The following SELENOF variants were observed in gnomAD, a reference collection of about 807,000 sequenced individuals.
The protein encoded by SELENOF is 15 kDa selenoprotein.
SELENOF carries 16 observed loss-of-function variants against 20.5 expected under a neutral mutation model. The ratio of observed to expected loss-of-function variants is 0.78; its 90% CI spans 0.53 to 1.19. SELENOF has a LOEUF of 1.19. Among genes scored for constraint, SELENOF ranks in the 50% most tolerant of loss-of-function variants. The pLI, the probability that SELENOF is intolerant of heterozygous loss-of-function variation, is 0.00. For missense variants in SELENOF, 215 were observed against 194.2 expected (o/e 1.11, Z -0.64); for synonymous variants, 78 against 74.5 (o/e 1.05, Z -0.24).
intron 3 of SELENOF, among the ~76,000 whole-genome samples, chr1:86,872,712 G>A (rs1468412355): frequency 6.6e-6 from 1 of 151,946 alleles, no homozygotes; most frequent in Non-Finnish European, 1.5e-5. Flanking sequence ...AGACCAGCCT[G>A]GCCAACATGG....
rs1309829770 is a variant in SELENOF at position 86,862,914 on chromosome 1, GAATATGTTTTACAATAATGAAGCTACA to G, written c.*533_*559del. ...TGTTTCACTCTTACTGTAGGATCTTGAATATGTTTTACAATAATGAAGCTACAAAGTTTTTATGCAGTGCATTCATTG... is the reference window on the plus strand; with the variant it reads ...TGTTTCACTCTTACTGTAGGATCTTGAAGTTTTTATGCAGTGCATTCATTG... On this transcript the variant is annotated 3_prime_UTR_variant, in exon 5 of 5. Transcript: ENST00000331835. 3 of 152,734 alleles carry G rather than the reference GAATATGTTTTACAATAATGAAGCTACA, an allele frequency of 2.0e-5. No homozygotes were observed. The highest frequency in any genetic ancestry group is 2.0e-4 in the Admixed American group (3 of 15,290). 9.5% of individuals were successfully genotyped at this position (152,734 alleles called of 1,614,324 possible).
intron 2 of SELENOF, among the ~76,000 whole-genome samples, chr1:86,888,340 T>C (rs970297248): frequency 1.3e-5 from 2 of 151,582 alleles, no homozygotes; most frequent in Non-Finnish European, 2.9e-5. Context: ...TGAAACCAAC[T>C]AGCCCCTTGG....
intron 3 of SELENOF, among the ~76,000 whole-genome samples, chr1:86,877,382 C>G (rs1465983348): frequency 2.0e-5 from 3 of 152,134 alleles, no homozygotes; most frequent in Non-Finnish European, 2.9e-5. Context: ...TTAAGCATGT[C>G]TACCAATCAA....
chr1:86,891,072 G>C (rs1380998386), intron 2 of SELENOF, among the ~76,000 whole-genome samples: 1 of 144,144 alleles, frequency 6.9e-6, no homozygotes, highest in South Asian at 2.2e-4. Flanking sequence ...TTTTTTAGAT[G>C]GAGTTTCATT....
At chr1:86,892,763 T>C (rs1659422967) in intron 2 of SELENOF, among the ~76,000 whole-genome samples, 1 of 152,202 alleles carries the variant, frequency 6.6e-6, no homozygotes, top group African/African-American at 2.4e-5. Flanking sequence ...TTTGGGAACA[T>C]ATTCTTGAAA....
chr1:86,876,166 T>C (rs752580980), intron 3 of SELENOF, among the ~76,000 whole-genome samples: 2 of 151,568 alleles, frequency 1.3e-5, no homozygotes, highest in Non-Finnish European at 2.9e-5. Flanking sequence ...AAGGTCCTGA[T>C]TGAAAATACA....
At chr1:86,893,304 G>T (rs1659435352) in intron 2 of SELENOF, among the ~76,000 whole-genome samples, 1 of 152,048 alleles carries the variant, frequency 6.6e-6, no homozygotes, top group African/African-American at 2.4e-5. Context: ...AAGAAGCTGA[G>T]ATGAAAATTA....
intron 2 of SELENOF, among the ~76,000 whole-genome samples, chr1:86,884,364 CACACACACACACAT>C (rs1246023154): frequency 4.5e-4 from 68 of 152,016 alleles, no homozygotes; most frequent in African/African-American, 1.5e-3. Context: ...CACACACACA[CACACACACACACAT>C]ATACACACAC....
intron 2 of SELENOF, among the ~76,000 whole-genome samples, chr1:86,881,296 G>GT (rs1211414813): frequency 3.9e-5 from 6 of 151,982 alleles, no homozygotes; most frequent in African/African-American, 1.2e-4. Context: ...GGATTCAATG[G>GT]TAAGTATCTC....
chr1:86,900,861 A>G (rs190106054), intron 2 of SELENOF, among the ~76,000 whole-genome samples: 1 of 152,116 alleles, frequency 6.6e-6, no homozygotes, highest in Non-Finnish European at 1.5e-5. Context: ...ATTTATGCTC[A>G]CGATGATTCC....
intron 2 of SELENOF, among the ~76,000 whole-genome samples, chr1:86,893,198 T>C (rs916023417): frequency 2.6e-5 from 4 of 152,204 alleles, no homozygotes; most frequent in African/African-American, 4.8e-5. Context: ...ACACTTAGCG[T>C]ATAACCAGTG....
At chr1:86,873,233 G>A (rs1658831237) in intron 3 of SELENOF, among the ~76,000 whole-genome samples, 1 of 152,024 alleles carries the variant, frequency 6.6e-6, no homozygotes, top group African/African-American at 2.4e-5. Context: ...CTCCAGCCTG[G>A]ACAACACAGC....
chr1:86,914,021 C>T lies in SELENOF; in HGVS notation c.84+7G>A, dbSNP rs376492366. The T allele has an allele frequency of 2.5e-6, 4 of 1,612,060 alleles. No homozygotes were observed. In the African/African-American group the frequency reaches 5.3e-5, roughly 22 times the overall value. On this transcript the variant is annotated splice_region_variant and intron_variant, in intron 1 of 4. Coordinates refer to ENST00000331835, the MANE Select transcript of SELENOF (RefSeq NM_004261.5). ...CTGTGGCAGCTGCGAAGGTGATCTA[C>T]ACTCACCGCTTGAAGCACAGTCGCC...
chr1:86,880,551 A>C (rs1025966539), intron 3 of SELENOF, 111 bp downstream of exon 3: 9 of 581,990 alleles, frequency 1.5e-5, no homozygotes, highest in Non-Finnish European at 2.6e-5. Flanking sequence ...TATATTGTTA[A>C]GAAAGTATAA....
chr1:86,884,344 CAT>C (rs1440545431), intron 2 of SELENOF, among the ~76,000 whole-genome samples: 1 of 128,396 alleles, frequency 7.8e-6, no homozygotes. Context: ...GGCGCACATA[CAT>C]ACACACACAC....
chr1:86,880,112 C>G (rs1659027425), intron 3 of SELENOF, among the ~76,000 whole-genome samples: 1 of 151,926 alleles, frequency 6.6e-6, no homozygotes, highest in Admixed American at 6.6e-5. Context: ...ATAACCCCTT[C>G]ATGTGTTGTA....
intron 3 of SELENOF, among the ~76,000 whole-genome samples, chr1:86,879,430 C>T (rs1260233752): frequency 6.6e-6 from 1 of 152,160 alleles, no homozygotes; most frequent in Non-Finnish European, 1.5e-5. Flanking sequence ...CTGCTTTGGG[C>T]CTCATTAAGT....
intron 2 of SELENOF, among the ~76,000 whole-genome samples, chr1:86,887,474 C>T (rs1659250826): frequency 2.0e-5 from 3 of 152,014 alleles, no homozygotes; most frequent in Non-Finnish European, 2.9e-5. Context: ...GTAACATCTA[C>T]CTTGATTTAA....
At chr1:86,910,012 T>C (rs1283998182) in intron 1 of SELENOF, among the ~76,000 whole-genome samples, 1 of 152,134 alleles carries the variant, frequency 6.6e-6, no homozygotes, top group African/African-American at 2.4e-5. Context: ...GATGATACAA[T>C]ATGCAAGGGA....
Sources: gnomAD v4.1 joint callset for allele counts (sites outside exome capture counted in the v4.1 genomes callset) on GRCh38, gnomAD v4.1.1 for gene constraint, MANE v1.5 for transcripts, NCBI Gene and HGNC (gene_info 2026-07-23, HGNC 2026-07-21) for gene names.